Variants in UBE2W observed in about 807,000 individuals in gnomAD.
UBE2W encodes the protein ubiquitin-conjugating enzyme E2 W.
In UBE2W, 18 loss-of-function variants were observed where a neutral mutation model predicts 27.2. The observed-to-expected ratio is 0.66, with a 90% CI of 0.46 to 0.98. The LOEUF is 0.98. Ranked by LOEUF, UBE2W falls within the 50% of genes least tolerant of loss-of-function variation. The probability of loss-of-function intolerance (pLI) is 0.00; values close to 1 mark genes in which losing one functional copy is unlikely to be tolerated. For missense variants in UBE2W, 90 were observed against 180.2 expected (o/e 0.50, Z 2.87); for synonymous variants, 53 against 57.2 (o/e 0.93, Z 0.33).
intron 1 of UBE2W, among the ~76,000 whole-genome samples, chr8:73,865,209 C>CAAAAAAA (rs1811703702): frequency 1.1e-5 from 1 of 92,012 alleles, no homozygotes; most frequent in Non-Finnish European, 2.0e-5. Context: ...AAAAAAAAAG[C>CAAAAAAA]ACTGCGAGTA....
chr8:73,801,679 TTTTG>T (rs1808651226), intron 5 of UBE2W, among the ~76,000 whole-genome samples: 1 of 152,204 alleles, frequency 6.6e-6, no homozygotes, highest in Non-Finnish European at 1.5e-5. Context: ...CAAGGATTTT[TTTTG>T]TTTGTTTTTT....
intron 1 of UBE2W, among the ~76,000 whole-genome samples, chr8:73,840,344 C>G (rs1265328397): frequency 6.6e-6 from 1 of 152,222 alleles, no homozygotes; most frequent in Non-Finnish European, 1.5e-5. Flanking sequence ...GCATGAGACA[C>G]CACATCCAGC....
chr8:73,805,458 A>AAAAAAAAAAAAC (rs1808841208), intron 5 of UBE2W, among the ~76,000 whole-genome samples, 193 bp downstream of exon 5: 1 of 133,180 alleles, frequency 7.5e-6, no homozygotes, highest in Admixed American at 8.5e-5. Flanking sequence ...CCATCTCAAA[A>AAAAAAAAAAAAC]AAAAAAAAAA....
intron 1 of UBE2W, among the ~76,000 whole-genome samples, chr8:73,867,498 G>C (rs182962287): frequency 1.2e-4 from 19 of 152,164 alleles, no homozygotes; most frequent in East Asian, 7.7e-4. Flanking sequence ...TCACGCCACT[G>C]CACTCCAGTC....
intron 3 of UBE2W, among the ~76,000 whole-genome samples, chr8:73,820,991 A>G (rs974856868): frequency 6.6e-6 from 1 of 152,196 alleles, no homozygotes; most frequent in African/African-American, 2.4e-5. Context: ...AGGAATCCTT[A>G]TATTTCAAAA....
At chr8:73,784,515 G>A (rs1807900423), downstream of UBE2W, among the ~76,000 whole-genome samples, 1 of 152,162 alleles carries the variant, frequency 6.6e-6, no homozygotes, top group African/African-American at 2.4e-5. Context: ...TAATCATGGT[G>A]TCTTATTTCC....
chr8:73,836,482 C>G (rs1810311731), intron 1 of UBE2W, among the ~76,000 whole-genome samples: 1 of 152,150 alleles, frequency 6.6e-6, no homozygotes, highest in Admixed American at 6.5e-5. Context: ...GCATTCTTCC[C>G]AGAACAACAG....
Position 73,788,691 on chromosome 8 carries a change from A to C in UBE2W, c.*5411T>G. Reference sequence around the variant, plus strand: ...AAATCTGACAAGTGATGTCATTTTGAAATCATGCTTTTGCCTTTGAGAAAA... The same window carrying C: ...AAATCTGACAAGTGATGTCATTTTGCAATCATGCTTTTGCCTTTGAGAAAA... On this transcript the variant is annotated 3_prime_UTR_variant, in exon 6 of 6. Transcript: ENST00000602593. 1.0e-6 allele frequency: 1 copy of C among 985,438 alleles called. No individual in the cohort carries two copies. The highest frequency in any genetic ancestry group is 1.2e-6 in the Non-Finnish European group (1 of 829,926). The allele number at this position is 985,438 out of a possible 1,614,324, so 61.0% of individuals were successfully genotyped here.
At position 73,788,549 on chromosome 8, in the gene UBE2W, G is replaced by A. The variant is rs1808058976; in HGVS notation, c.*5553C>T. On this transcript the variant is annotated 3_prime_UTR_variant, in exon 6 of 6. Transcript: ENST00000602593. Reference sequence around the variant, plus strand: ...AATCTGTGGTTAACTATGAAAAGATGCATTTTCATGGTATCTGACACAATT... The same window carrying A: ...AATCTGTGGTTAACTATGAAAAGATACATTTTCATGGTATCTGACACAATT... The A allele has an allele frequency of 1.0e-6, 1 of 985,218 alleles. No homozygotes were observed. The allele number at this position is 985,218 out of a possible 1,614,324, so 61.0% of individuals were successfully genotyped here.
chr8:73,806,437 C>A (rs898258120), intron 4 of UBE2W, among the ~76,000 whole-genome samples: 9 of 150,386 alleles, frequency 6.0e-5, no homozygotes, highest in African/African-American at 2.2e-4. Context: ...CGGTGGCTCA[C>A]GCCTGTAATC....
chr8:73,794,564 A>T (rs1339801864), intron 5 of UBE2W, among the ~76,000 whole-genome samples: 3 of 152,240 alleles, frequency 2.0e-5, no homozygotes. Context: ...AATGAGATAC[A>T]ATCTCCAAAT....
chr8:73,801,777 T>G (rs1808656424), intron 5 of UBE2W, among the ~76,000 whole-genome samples: 1 of 152,234 alleles, frequency 6.6e-6, no homozygotes, highest in African/African-American at 2.4e-5. Context: ...TTAGGCCTGT[T>G]AATTAATGAG....
At chr8:73,820,315 T>C (rs775868862) in intron 3 of UBE2W, among the ~76,000 whole-genome samples, 14 of 152,330 alleles carry the variant, frequency 9.2e-5, no homozygotes, top group East Asian at 7.7e-4. Flanking sequence ...TAAAACTATA[T>C]AGATTATGTA....
intron 1 of UBE2W, among the ~76,000 whole-genome samples, chr8:73,838,582 GAA>G (rs1025154357): frequency 1.3e-5 from 2 of 152,148 alleles, no homozygotes; most frequent in African/African-American, 4.8e-5. Flanking sequence ...TCTAGGGAAA[GAA>G]AAAGAGATGA....
intron 1 of UBE2W, among the ~76,000 whole-genome samples, chr8:73,866,396 C>G (rs1811775073): frequency 6.8e-6 from 1 of 147,536 alleles, no homozygotes; most frequent in South Asian, 2.1e-4. Context: ...AGGAACAGCT[C>G]TCCACTCACC....
chr8:73,802,223 G>A (rs140645256), intron 5 of UBE2W, among the ~76,000 whole-genome samples: 14 of 152,134 alleles, frequency 9.2e-5, no homozygotes, highest in East Asian at 1.9e-4. Context: ...GCTACATACC[G>A]CCAGCAAGTA....
At chr8:73,852,579 T>G (rs531839423) in intron 1 of UBE2W, among the ~76,000 whole-genome samples, 58 of 152,350 alleles carry the variant, frequency 3.8e-4, no homozygotes, top group African/African-American at 1.4e-3. Context: ...TATTTTACTT[T>G]GGAAGAATAA....
At chr8:73,878,740 C>T (rs1298128307) in intron 1 of UBE2W, 68 bp downstream of exon 1, 6 of 1,410,466 alleles carry the variant, frequency 4.3e-6, no homozygotes, top group Admixed American at 2.0e-5. Flanking sequence ...CGGACGCCAC[C>T]CCCGCCCGAA....
chr8:73,848,941 CA>C (rs1437635335), intron 1 of UBE2W, among the ~76,000 whole-genome samples: 8 of 151,968 alleles, frequency 5.3e-5, no homozygotes, highest in Middle Eastern at 3.2e-3. Context: ...GTGATAGTTG[CA>C]TAACTCCACG....
Sources: allele counts gnomAD v4.1 joint callset (sites outside exome capture counted in the v4.1 genomes callset), GRCh38; gene constraint gnomAD v4.1.1; transcripts MANE v1.5; gene names NCBI Gene and HGNC (gene_info 2026-07-23, HGNC 2026-07-21).